The following FAM178B variants were observed in gnomAD, a reference collection of about 807,000 sequenced individuals.
The protein encoded by FAM178B is protein FAM178B.
FAM178B carries 82 observed loss-of-function variants against 91.7 expected under a neutral mutation model. That is an observed-to-expected ratio of 0.89 (90% CI 0.75 to 1.07). The LOEUF is 1.07. FAM178B is among the 50% of genes least tolerant of loss of function. FAM178B has a pLI of 0.00. For synonymous variants in FAM178B, 368 were observed against 359.4 expected (o/e 1.02, Z -0.27); for missense variants, 769 against 846.7 (o/e 0.91, Z 1.14).
chr2:96,971,781 A>G, intron 3 of FAM178B, 120 bp downstream of exon 3: 1 of 976,970 alleles, frequency 1.0e-6, no homozygotes, highest in Non-Finnish European at 1.4e-6. Flanking sequence ...GGTCAAGGTG[A>G]AGTGTCCGAG....
In FAM178B at chr2:96,877,939, G is replaced by T. The variant is rs781465294; in HGVS notation, c.1958C>A (p.Thr653Asn). 1.9e-6 allele frequency: 3 copies of T among 1,613,856 alleles called. No homozygotes were observed. In the Admixed American group the frequency reaches 5.0e-5, roughly 27 times the overall value. The change falls in exon 16 of 17, where the codon ACC becomes AAC. Residue 653 changes from threonine to asparagine, a missense_variant. Thr to Asn is a moderately conservative substitution (Grantham distance 65). Transcript: ENST00000490605. Reference protein sequence around the residue: ...MHRTMLKDLATQTYIRWQELL... With the variant: ...MHRTMLKDLANQTYIRWQELL... Reference sequence around the variant, plus strand: ...CTCCTGCCAACGGATGTAGGTCTGGGTAGCCAGGTCCTTGAGCATGGTGCG... The same window carrying T: ...CTCCTGCCAACGGATGTAGGTCTGGTTAGCCAGGTCCTTGAGCATGGTGCG...
intron 1 of FAM178B, among the ~76,000 whole-genome samples, chr2:96,984,330 G>A (rs1421915410): frequency 2.0e-5 from 3 of 152,142 alleles, no homozygotes; most frequent in South Asian, 2.1e-4. Flanking sequence ...TACAGTTCCC[G>A]CTCAACAAAC....
At chr2:96,928,813 C>T (rs868418459) in intron 9 of FAM178B, among the ~76,000 whole-genome samples, 7 of 152,134 alleles carry the variant, frequency 4.6e-5, no homozygotes, top group Admixed American at 1.3e-4. Context: ...TAATTCCCTA[C>T]ACATGGGATA....
intron 7 of FAM178B, among the ~76,000 whole-genome samples, chr2:96,948,956 G>A (rs182443069): frequency 5.3e-5 from 8 of 152,286 alleles, no homozygotes; most frequent in Admixed American, 1.3e-4. Flanking sequence ...GCCCCCCCCA[G>A]TAAGCCTGCG....
At chr2:96,945,942 GAA>G (rs1443555470) in intron 8 of FAM178B, among the ~76,000 whole-genome samples, 1 of 151,970 alleles carries the variant, frequency 6.6e-6, no homozygotes, top group Non-Finnish European at 1.5e-5. Flanking sequence ...ATCCATCTCC[GAA>G]CTCTTTTTTC....
chr2:96,889,534 C>T (rs746337663), intron 14 of FAM178B, among the ~76,000 whole-genome samples: 2 of 151,638 alleles, frequency 1.3e-5, no homozygotes, highest in African/African-American at 2.4e-5. Context: ...AAAAATTAGC[C>T]GGGCATGATG....
intron 8 of FAM178B, among the ~76,000 whole-genome samples, chr2:96,941,334 A>G (rs6728642): frequency 0.19 from 28,188 of 152,172 alleles, 4,243 homozygotes; most frequent in African/African-American, 0.41. Context: ...TCTTGTTTCC[A>G]TTTTATTCCT....
rs2153375678 is a variant in FAM178B at position 96,970,698 on chromosome 2, G to A, written c.626+18C>T. On this transcript the variant is annotated intron_variant, in intron 4 of 16. Transcript: ENST00000490605. ...TGCAGAAATAAGCACCCCATGACAG[G>A]CCACGCCCTGTGCTCACCTCTTCTC... The A allele has an allele frequency of 1.9e-6, 3 of 1,546,974 alleles. No individual in the cohort carries two copies. In the South Asian group the frequency reaches 3.6e-5, roughly 18 times the overall value.
At chr2:96,896,687 C>T (rs2080830567) in intron 13 of FAM178B, among the ~76,000 whole-genome samples, 1 of 152,200 alleles carries the variant, frequency 6.6e-6, no homozygotes, top group South Asian at 2.1e-4. Flanking sequence ...TTCCTCCTCA[C>T]CTAGGACAGG....
chr2:96,934,399 C>T (rs1477093309), intron 8 of FAM178B, among the ~76,000 whole-genome samples: 4 of 151,886 alleles, frequency 2.6e-5, no homozygotes, highest in African/African-American at 4.8e-5. Flanking sequence ...CAGATGGGGG[C>T]GAGAGAGAAG....
At chr2:96,897,023 C>T (rs769128250) in intron 13 of FAM178B, among the ~76,000 whole-genome samples, 6 of 152,210 alleles carry the variant, frequency 3.9e-5, no homozygotes, top group Non-Finnish European at 4.4e-5. Context: ...GCCACCACCA[C>T]GTCCAGCTAA....
intron 13 of FAM178B, among the ~76,000 whole-genome samples, chr2:96,899,996 CCA>C: frequency 6.6e-6 from 1 of 151,880 alleles, no homozygotes; most frequent in South Asian, 2.1e-4. Context: ...TTCCCCTCTG[CCA>C]CTCTGACCTC....
At chr2:96,966,144 C>CT (rs1275836926) in intron 5 of FAM178B, among the ~76,000 whole-genome samples, 4 of 152,092 alleles carry the variant, frequency 2.6e-5, no homozygotes, top group Non-Finnish European at 5.9e-5. Context: ...CCTCCTATCC[C>CT]CCACCAGCCC....
intron 8 of FAM178B, among the ~76,000 whole-genome samples, chr2:96,931,496 G>C (rs1231743837): frequency 6.6e-6 from 1 of 152,198 alleles, no homozygotes; most frequent in Non-Finnish European, 1.5e-5. Context: ...GGTGGAATGG[G>C]AATGTCTCTT....
chr2:96,947,071 T>C (rs1015268768), intron 8 of FAM178B, among the ~76,000 whole-genome samples: 1 of 151,978 alleles, frequency 6.6e-6, no homozygotes, highest in Non-Finnish European at 1.5e-5. Flanking sequence ...AGAGGCGGGG[T>C]CTGACCACCT....
chr2:96,889,205 TG>T (rs1356974358), intron 14 of FAM178B, among the ~76,000 whole-genome samples: 2 of 152,238 alleles, frequency 1.3e-5, no homozygotes, highest in African/African-American at 4.8e-5. Flanking sequence ...GCCCCAGCTC[TG>T]GGACCATCCC....
intron 1 of FAM178B, among the ~76,000 whole-genome samples, chr2:96,984,745 T>G (rs1300088984): frequency 6.6e-6 from 1 of 152,234 alleles, no homozygotes; most frequent in African/African-American, 2.4e-5. Flanking sequence ...ATCTGTTGTT[T>G]CCAGGTTTTT....
At chr2:96,973,602 G>A (rs2082252295) in intron 1 of FAM178B, among the ~76,000 whole-genome samples, 1 of 152,070 alleles carries the variant, frequency 6.6e-6, no homozygotes, top group Non-Finnish European at 1.5e-5. Context: ...AAAGGAAATC[G>A]CAGTTTACAA....
chr2:96,885,570 C>T (rs941645406), intron 14 of FAM178B, among the ~76,000 whole-genome samples: 2 of 152,174 alleles, frequency 1.3e-5, no homozygotes, highest in Non-Finnish European at 2.9e-5. Context: ...GCAGACCTGC[C>T]GTGGGGAGGT....
Sources: gnomAD v4.1 joint callset for allele counts (sites outside exome capture counted in the v4.1 genomes callset) on GRCh38, gnomAD v4.1.1 for gene constraint, MANE v1.5 for transcripts, NCBI Gene and HGNC (gene_info 2026-07-23, HGNC 2026-07-21) for gene names.